The following MOSPD3 variants were observed in gnomAD, a reference collection of about 807,000 sequenced individuals.
MOSPD3 encodes the protein motile sperm domain containing 3.
A neutral mutation model predicts 23.3 loss-of-function variants in MOSPD3; 20 were observed. That is an observed-to-expected ratio of 0.86 (90% CI 0.61 to 1.25). The LOEUF (loss-of-function observed/expected upper bound fraction) is 1.25. MOSPD3 is among the 50% of genes most tolerant of loss of function. The pLI is 0.00. For missense variants in MOSPD3, 307 were observed against 315.7 expected (o/e 0.97, Z 0.21); for synonymous variants, 136 against 135.2 (o/e 1.01, Z -0.04).
chr7:100,615,004 CA>C lies in MOSPD3; in HGVS notation c.653del (p.Lys218SerfsTer75). ...TCAAGTCCTGCACGTCTCCCTGGGA[CA>C]AAAGTTGGTGGCCGCCTACGTCTTG... ...LPQVLHVSLG[Q>X]KLVAAYVLGL... is the part of the protein sequence containing the mutation. On this transcript the variant is annotated frameshift_variant, in exon 4 of 5. Coordinates refer to ENST00000393950, the MANE Select transcript of MOSPD3 (RefSeq NM_023948.5). LOFTEE classifies it high-confidence loss of function. 1 of 1,614,156 alleles carries C rather than the reference CA, an allele frequency of 6.2e-7. No homozygotes were observed. The highest frequency in any genetic ancestry group is 8.5e-7 in the Non-Finnish European group (1 of 1,180,008).
At chr7:100,612,487 T>C (rs1048096563), upstream of MOSPD3, 3 of 259,270 alleles carry the variant, frequency 1.2e-5, no homozygotes, top group Admixed American at 5.2e-5. Flanking sequence ...GAGCTGGGCG[T>C]GAGGAGAAGG....
chr7:100,612,449 G>C (rs1802850363), upstream of MOSPD3: 1 of 185,900 alleles, frequency 5.4e-6, no homozygotes, highest in Non-Finnish European at 1.1e-5. Context: ...GGCGAGGCCA[G>C]CGGCGGGGCG....
At position 100,613,058 on chromosome 7, in the gene MOSPD3, A is replaced by G. The variant is rs1584446145; in HGVS notation, c.205+62A>G. 3.7e-6 allele frequency: 6 copies of G among 1,600,898 alleles called. No homozygotes were observed. The South Asian group carries it at 4.4e-5, about 12-fold the overall frequency. On this transcript the variant is annotated intron_variant, in intron 1 of 4. Transcript: ENST00000393950. ...GACACTGGGGGGTTGTGTTGGCTGG[A>G]GGAGTCAGATGGGTAGGGTTGCACG...
chr7:100,615,139 G>A lies in MOSPD3; in HGVS notation c.677-13G>A. 6.2e-7 allele frequency: 1 copy of A among 1,614,048 alleles called. No individual in the cohort carries two copies. The highest frequency in any genetic ancestry group is 8.5e-7 in the Non-Finnish European group (1 of 1,179,998). On this transcript the variant is annotated splice_polypyrimidine_tract_variant and intron_variant, in intron 4 of 4. Transcript: ENST00000393950. The stretch of plus-strand genomic sequence containing the variant: ...GCCCATGCGACCCTATTCTTTCTTT[G>A]TCCCCCCTCCAGGCCTCCTCACCAT...
Position 100,612,705 on chromosome 7 carries a change from C to A in MOSPD3, c.-87C>A. ...CCCTGCTCCGGGAGCTCATCTTGTC[C>A]CCTTTCGCCCCTCACGCCCCCCAGC... On this transcript the variant is annotated 5_prime_UTR_variant, in exon 1 of 5. Transcript: ENST00000393950. 9.5e-7 allele frequency: 1 copy of A among 1,051,158 alleles called. No individual in the cohort carries two copies. Among genetic ancestry groups the A allele is most frequent in the Non-Finnish European group, 1.4e-6 (1 of 729,008 alleles). The allele number at this position is 1,051,158 out of a possible 1,614,324, so 65.1% of individuals were successfully genotyped here. A position where few individuals can be genotyped will look rare whatever the true frequency, so the allele number is the denominator to read the frequency against.
intron 1 of MOSPD3, 87 bp downstream of exon 1, chr7:100,613,083 G>A (rs1802879217): frequency 7.0e-6 from 11 of 1,582,116 alleles, no homozygotes; most frequent in Admixed American, 3.3e-5. Context: ...AGGGTTGCAC[G>A]TCCAGCTTTG....
In MOSPD3 at chr7:100,615,201, C is replaced by T. The variant is rs780869639; in HGVS notation, c.*18C>T. On this transcript the variant is annotated 3_prime_UTR_variant, in exon 5 of 5. Coordinates refer to ENST00000393950, the MANE Select transcript of MOSPD3 (RefSeq NM_023948.5). The stretch of plus-strand genomic sequence containing the variant: ...GGACCTGAGCTCCGTGCTCAACCCC[C>T]AGCCCACCCCACCCTCCCTGGGCAG... The T allele has an allele frequency of 1.2e-6, 2 of 1,612,688 alleles. No homozygotes were observed. Among genetic ancestry groups the T allele is most frequent in the East Asian group, 4.5e-5 (2 of 44,878 alleles).
chr7:100,614,370 G>A (rs1802928644), intron 3 of MOSPD3, among the ~76,000 whole-genome samples: 1 of 151,996 alleles, frequency 6.6e-6, no homozygotes, highest in Non-Finnish European at 1.5e-5. Flanking sequence ...GGAGGCTAAG[G>A]CAGGAGAATC....
Position 100,613,520 on chromosome 7 carries a change from C to T in MOSPD3, c.325C>T (p.Gln109Ter), listed in dbSNP as rs1005754562. 6.2e-7 allele frequency: 1 copy of T among 1,614,210 alleles called. No homozygotes were observed. Among genetic ancestry groups the T allele is most frequent in the East Asian group, 2.2e-5 (1 of 44,882 alleles). Residue 109 changes from glutamine to a stop codon, truncating the protein, a stop_gained, in exon 3 of 5, where the codon CAG becomes TAG. Coordinates refer to ENST00000393950, the MANE Select transcript of MOSPD3 (RefSeq NM_023948.5). LOFTEE classifies it high-confidence loss of function. ...VAPIPSHYDV[Q>*]DRFRIELSEE... is the part of the protein sequence containing the mutation. The stretch of plus-strand genomic sequence containing the variant: ...ACCCATTCCCAGCCACTATGATGTC[C>T]AGGACCGCTTCCGCATTGAGCTGTC...
chr7:100,614,730 GA>G (rs1489143506), intron 3 of MOSPD3, 136 bp from the exon 4 acceptor site: 35 of 999,174 alleles, frequency 3.5e-5, no homozygotes, highest in Non-Finnish European at 4.3e-5. Flanking sequence ...ACAACGTAGT[GA>G]GACTCCATCT....
chr7:100,612,997 G>T lies in MOSPD3; in HGVS notation c.205+1G>T. 1 of 1,614,086 alleles carries T rather than the reference G, an allele frequency of 6.2e-7. No homozygotes were observed. Among genetic ancestry groups the T allele is most frequent in the Non-Finnish European group, 8.5e-7 (1 of 1,179,992 alleles). On this transcript the variant is annotated splice_donor_variant, in intron 1 of 4. Transcript: ENST00000393950. LOFTEE classifies it high-confidence loss of function. ...ACAGGAACTGCGCTTCGCTTCCGAG[G>T]TAAAGGGATCGGCGCCTCGTGGGGG...
rs897370261 is a variant in MOSPD3, at chr7:100,612,688, C to T, written c.-104C>T. ...GGCGGCATCAGTCGAGGCCCTGCTC[C>T]GGGAGCTCATCTTGTCCCCTTTCGC... On this transcript the variant is annotated 5_prime_UTR_variant, in exon 1 of 5. Coordinates refer to ENST00000393950, the MANE Select transcript of MOSPD3 (RefSeq NM_023948.5). The T allele has an allele frequency of 3.7e-5, 32 of 865,908 alleles. No homozygotes were observed. The highest frequency in any genetic ancestry group is 5.2e-5 in the Non-Finnish European group (30 of 571,764). 53.6% of individuals were successfully genotyped at this position (865,908 alleles called of 1,614,324 possible).
rs751732983 is a variant in MOSPD3, at chr7:100,614,890, A to G, written c.535A>G (p.Ser179Gly). The G allele has an allele frequency of 2.0e-5, 32 of 1,614,122 alleles. No individual in the cohort carries two copies. The African/African-American group carries it at 4.1e-4, about 21-fold the overall frequency. ...AGACCCCCGCCAGCAACTGGCCACCAGCTCCTTCCTCCTCTTCTTGCTGAC... is the reference window on the plus strand; with the variant it reads ...AGACCCCCGCCAGCAACTGGCCACCGGCTCCTTCCTCCTCTTCTTGCTGAC... ...QEHPRQQLAT[S>G]SFLLFLLTGI... The change falls in exon 4 of 5, where the codon AGC (serine) becomes GGC (glycine). Residue 179 changes from serine to glycine, a missense_variant. Transcript: ENST00000393950.
rs769160696 is a variant in MOSPD3 at position 100,613,593 on chromosome 7, C to G, written c.398C>G (p.Ser133Cys). The change falls in exon 3 of 5, where the codon TCC becomes TGC. Residue 133 changes from serine to cysteine, a missense_variant. Ser to Cys is a moderately radical substitution (Grantham distance 112, BLOSUM62 -1). Coordinates refer to ENST00000393950, the MANE Select transcript of MOSPD3 (RefSeq NM_023948.5). Reference protein sequence around the residue: ...GRVVGRKDITSILRAPAYPLE... With the variant: ...GRVVGRKDITCILRAPAYPLE... The stretch of plus-strand genomic sequence containing the variant: ...GTGGTGGGACGCAAGGACATTACCT[C>G]CATTCTGAGAGCCCCAGCGTACCCC... The G allele has an allele frequency of 3.5e-5, 56 of 1,614,064 alleles. No homozygotes were observed. The highest frequency in any genetic ancestry group is 4.4e-5 in the Non-Finnish European group (52 of 1,180,042).
At position 100,615,110 on chromosome 7, in the gene MOSPD3, G is replaced by C. The variant is rs757696358; in HGVS notation, c.677-42G>C. ...GGGAGGAGAGCTAACAGAGCCCCAG[G>C]GCTGCCCATGCGACCCTATTCTTTC... On this transcript the variant is annotated intron_variant, in intron 4 of 4. Transcript: ENST00000393950. 5 of 1,613,992 alleles carry C rather than the reference G, an allele frequency of 3.1e-6. No homozygotes were observed. In the Admixed American group the frequency reaches 6.7e-5, roughly 22 times the overall value.
chr7:100,613,379 C>T, intron 2 of MOSPD3, 98 bp from the exon 3 acceptor site: 2 of 1,544,154 alleles, frequency 1.3e-6, no homozygotes, highest in Non-Finnish European at 1.8e-6. Context: ...TATCCTCTGC[C>T]TGTGCCCCTA....
intron 3 of MOSPD3, 26 bp from the exon 4 acceptor site, chr7:100,614,841 A>G: frequency 6.2e-7 from 1 of 1,601,524 alleles, no homozygotes; most frequent in Non-Finnish European, 8.5e-7. Flanking sequence ...TGGGGGCTGC[A>G]GCATCTGATG....
In MOSPD3 at chr7:100,615,025, G is replaced by A. The variant is rs915732845; in HGVS notation, c.670G>A (p.Val224Ile). The A allele has an allele frequency of 3.3e-5, 54 of 1,614,076 alleles. No homozygotes were observed. Among genetic ancestry groups the A allele is most frequent in the East Asian group, 8.9e-5 (4 of 44,902 alleles). Residue 224 changes from valine (V) to isoleucine (I), a missense_variant, in exon 4 of 5, where the codon GTC (valine) becomes ATC (isoleucine). By Grantham distance (29) the Val-to-Ile change is conservative. Coordinates refer to ENST00000393950, the MANE Select transcript of MOSPD3 (RefSeq NM_023948.5). Reference sequence around the variant, plus strand: ...GGGACAAAAGTTGGTGGCCGCCTACGTCTTGGGTGAGGACAGTAGTGGCCA... The same window carrying A: ...GGGACAAAAGTTGGTGGCCGCCTACATCTTGGGTGAGGACAGTAGTGGCCA... ...SLGQKLVAAY[V>I]LGLLTMVFLR...
rs1562831017 is a variant in MOSPD3 at position 100,613,183 on chromosome 7, C to G, written c.206-11C>G. On this transcript the variant is annotated splice_polypyrimidine_tract_variant and intron_variant, in intron 1 of 4. Coordinates refer to ENST00000393950, the MANE Select transcript of MOSPD3 (RefSeq NM_023948.5). ...TGGCAGGGCTTGTCTGTGTGTGTCT[C>G]TATCCCCCAGTCCTGTGCACAGCAC... 2 of 1,613,814 alleles carry G rather than the reference C, an allele frequency of 1.2e-6. No homozygotes were observed. Among genetic ancestry groups the G allele is most frequent in the Non-Finnish European group, 8.5e-7 (1 of 1,179,748 alleles).
Sources: allele counts gnomAD v4.1 joint callset (sites outside exome capture counted in the v4.1 genomes callset), GRCh38; gene constraint gnomAD v4.1.1; transcripts MANE v1.5; gene names NCBI Gene and HGNC (gene_info 2026-07-23, HGNC 2026-07-21).